Variants in SMIM14 observed in about 807,000 individuals in gnomAD.
The protein encoded by SMIM14 is small integral membrane protein 14.
In SMIM14, 5 loss-of-function variants were observed where a neutral mutation model predicts 12.6. That is an observed-to-expected ratio of 0.40 (90% CI 0.21 to 0.83). The LOEUF (loss-of-function observed/expected upper bound fraction) is 0.83, where lower values mean the gene tolerates loss of function less well. Ranked by LOEUF, SMIM14 falls within the 40% of genes least tolerant of loss-of-function variation. The pLI, the probability that SMIM14 is intolerant of heterozygous loss-of-function variation, is 0.37. For synonymous variants in SMIM14, 30 were observed against 40.1 expected (o/e 0.75, Z 0.95); for missense variants, 86 against 119.1 (o/e 0.72, Z 1.29).
chr4:39,623,797 G>A (rs952505963), intron 1 of SMIM14, among the ~76,000 whole-genome samples: 1 of 152,194 alleles, frequency 6.6e-6, no homozygotes, highest in Non-Finnish European at 1.5e-5. Context: ...AGGAGGCAGA[G>A]GTTGCAGTGA....
At chr4:39,603,046 T>C (rs994166403) in intron 2 of SMIM14, among the ~76,000 whole-genome samples, 11 of 152,190 alleles carry the variant, frequency 7.2e-5, no homozygotes, top group African/African-American at 2.7e-4. Context: ...ACCAACATGA[T>C]GATCAAAGGA....
At chr4:39,561,802 G>T (rs1220347608) in intron 3 of SMIM14, among the ~76,000 whole-genome samples, 1 of 152,026 alleles carries the variant, frequency 6.6e-6, no homozygotes, top group East Asian at 1.9e-4. Context: ...AAGCATGGTG[G>T]TGCACACCTG....
At chr4:39,620,017 G>C (rs900730354) in intron 1 of SMIM14, among the ~76,000 whole-genome samples, 1 of 150,776 alleles carries the variant, frequency 6.6e-6, no homozygotes, top group African/African-American at 2.4e-5. Context: ...GCTGGGACTA[G>C]AGGCACAGGC....
intron 1 of SMIM14, among the ~76,000 whole-genome samples, chr4:39,616,883 A>T (rs1715246469): frequency 6.6e-6 from 1 of 152,172 alleles, no homozygotes; most frequent in Non-Finnish European, 1.5e-5. Context: ...CTAAGAAATG[A>T]GTCAGAATTC....
At chr4:39,605,025 A>G in intron 2 of SMIM14, 46 bp downstream of exon 2, 2 of 1,149,766 alleles carry the variant, frequency 1.7e-6, no homozygotes, top group African/African-American at 1.5e-5. Context: ...AGAGGATACA[A>G]GGGATACAGA....
chr4:39,625,365 T>C (rs749593417), intron 1 of SMIM14, among the ~76,000 whole-genome samples: 1 of 152,166 alleles, frequency 6.6e-6, no homozygotes, highest in Non-Finnish European at 1.5e-5. Flanking sequence ...ATAAACCCCA[T>C]TACATGCCCT....
Position 39,553,719 on chromosome 4 carries a change from A to G in SMIM14, c.268-1561T>C, listed in dbSNP as rs555291884. ...AGCAATTCTCCTGCCTCAGCCTCAC[A>G]AGTAGCTGGGATTACAGGCACGCGC... On this transcript the variant is annotated intron_variant, in intron 4 of 4. Transcript: ENST00000295958. 9.2e-5 allele frequency among the ~76,000 whole-genome samples: 14 copies of G among 151,490 alleles called. No homozygotes were observed. The East Asian group carries it at 2.4e-3, about 25-fold the overall frequency.
chr4:39,582,622 C>T (rs1713572485), intron 2 of SMIM14, among the ~76,000 whole-genome samples: 1 of 151,242 alleles, frequency 6.6e-6, no homozygotes, highest in African/African-American at 2.4e-5. Context: ...CAAGACTGTG[C>T]CAATGCACTC....
intron 2 of SMIM14, among the ~76,000 whole-genome samples, chr4:39,578,037 AT>A (rs1176733148): frequency 1.3e-5 from 2 of 152,188 alleles, no homozygotes; most frequent in African/African-American, 4.8e-5. Flanking sequence ...GCTGGAATGT[AT>A]ATTCAATGTG....
chr4:39,573,627 A>C (rs1335680107), intron 2 of SMIM14, among the ~76,000 whole-genome samples: 1 of 152,236 alleles, frequency 6.6e-6, no homozygotes, highest in Non-Finnish European at 1.5e-5. Context: ...GGAAAGTGCT[A>C]AACTGTAGAG....
At chr4:39,564,495 GAATCTGAAAA>G (rs1202459796) in intron 3 of SMIM14, among the ~76,000 whole-genome samples, 1 of 152,118 alleles carries the variant, frequency 6.6e-6, no homozygotes. Flanking sequence ...ACTGGTAAAT[GAATCTGAAAA>G]AATCTGAAAC....
At chr4:39,631,230 G>T (rs1362837292) in intron 1 of SMIM14, among the ~76,000 whole-genome samples, 1 of 151,148 alleles carries the variant, frequency 6.6e-6, no homozygotes, top group African/African-American at 2.4e-5. Flanking sequence ...TACTCAGGAA[G>T]TTGAGGCACA....
intron 2 of SMIM14, among the ~76,000 whole-genome samples, chr4:39,573,878 T>A (rs1713025014): frequency 6.6e-6 from 1 of 152,190 alleles, no homozygotes; most frequent in African/African-American, 2.4e-5. Context: ...TCTGTCTTTT[T>A]ATATAATTTT....
chr4:39,625,503 G>A (rs138669832), intron 1 of SMIM14, among the ~76,000 whole-genome samples: 1,955 of 151,798 alleles, frequency 0.013, 27 homozygotes, highest in Non-Finnish European at 0.021. Context: ...GTGCAGTGGC[G>A]CAATCTAGAC....
At chr4:39,572,389 C>A in intron 3 of SMIM14, 26 bp downstream of exon 3, 1 of 1,504,856 alleles carries the variant, frequency 6.6e-7, no homozygotes, top group Non-Finnish European at 9.0e-7. Context: ...CAATGCCATC[C>A]TTCCTCCTGT....
intron 2 of SMIM14, 135 bp from the exon 3 acceptor site, chr4:39,572,598 G>C: frequency 1.5e-6 from 1 of 673,044 alleles, no homozygotes; most frequent in Non-Finnish European, 2.6e-6. Flanking sequence ...GAGGTGGGTG[G>C]ATTGTTTGAG....
At chr4:39,592,702 A>C (rs939282422) in intron 2 of SMIM14, 1 of 152,174 alleles carries the variant, frequency 6.6e-6, no homozygotes, top group Admixed American at 6.6e-5. Flanking sequence ...TAGACGCAAT[A>C]AAAAATGATA....
Position 39,605,169 on chromosome 4 carries a change from G to C in SMIM14, c.-24C>G. The C allele has an allele frequency of 8.2e-6, 13 of 1,591,326 alleles. No individual in the cohort carries two copies. Among genetic ancestry groups the C allele is most frequent in the Non-Finnish European group, 1.1e-5 (13 of 1,174,502 alleles). On this transcript the variant is annotated 5_prime_UTR_variant, in exon 2 of 5. Coordinates refer to ENST00000295958, the MANE Select transcript of SMIM14 (RefSeq NM_174921.3). ...ATGATTACCCAGCTTGATTTTACTTGACTGTTTAAATCTAGGAGGAAGGAA... is the reference window on the plus strand; with the variant it reads ...ATGATTACCCAGCTTGATTTTACTTCACTGTTTAAATCTAGGAGGAAGGAA...
intron 1 of SMIM14, chr4:39,612,204 C>G (rs1225778808): frequency 6.6e-6 from 1 of 151,930 alleles, no homozygotes. Flanking sequence ...ATAACCTACC[C>G]TTATATGTAA....
Sources: gnomAD v4.1 joint callset for allele counts (sites outside exome capture counted in the v4.1 genomes callset) on GRCh38, gnomAD v4.1.1 for gene constraint, MANE v1.5 for transcripts, NCBI Gene and HGNC (gene_info 2026-07-23, HGNC 2026-07-21) for gene names.